The following CNKSR2 variants were observed in gnomAD, a reference collection of about 807,000 sequenced individuals.
CNKSR2 encodes connector enhancer of kinase suppressor of Ras 2, also known as CNK homolog protein 2.
Under a neutral mutation model 84.4 loss-of-function variants are expected in CNKSR2, and 14 were observed. The ratio of observed to expected loss-of-function variants is 0.17; its 90% CI spans 0.11 to 0.26. The LOEUF (loss-of-function observed/expected upper bound fraction) is 0.26, where lower values mean the gene tolerates loss of function less well. CNKSR2 is among the 10% of genes least tolerant of loss of function. The probability of loss-of-function intolerance (pLI) is 1.00; values close to 1 mark genes in which losing one functional copy is unlikely to be tolerated. For missense variants in CNKSR2, 485 were observed against 771.2 expected, an observed-to-expected ratio of 0.63 and a Z score of 4.40; for synonymous variants, 275 against 277.9, an observed-to-expected ratio of 0.99 and a Z score of 0.10.
chrX:21,558,144 A>G (rs1227507985), intron 11 of CNKSR2, among the ~76,000 whole-genome samples: 1 of 111,397 alleles, frequency 9.0e-6, no homozygotes, highest in East Asian at 2.8e-4. Flanking sequence ...GTATACATGC[A>G]GTAGCAAACA....
At chrX:21,641,715 T>G (rs1291726201) in intron 20 of CNKSR2, 3 of 1,076,881 alleles carry the variant, frequency 2.8e-6, no homozygotes, top group East Asian at 6.9e-5. Context: ...GCCTCGTCCT[T>G]GCTGTTTATA....
intron 20 of CNKSR2, among the ~76,000 whole-genome samples, chrX:21,624,351 A>G (rs2092613899): frequency 8.9e-6 from 1 of 111,913 alleles, no homozygotes; most frequent in South Asian, 3.7e-4. Context: ...AATGCCTAAA[A>G]TCTCAAGAAC....
In CNKSR2 at chrX:21,563,404, G is replaced by A. The variant is rs371302099; in HGVS notation, c.1560G>A (p.Leu520=). 4.6e-5 allele frequency: 55 copies of A among 1,208,674 alleles called. No homozygotes were observed. The highest frequency in any genetic ancestry group is 5.8e-5 in the Non-Finnish European group (52 of 894,223). The change falls in exon 13 of 22, where the codon CTG becomes CTA. Residue 520 remains leucine (L), a synonymous_variant. Transcript: ENST00000379510. ...TACCTAGTTTACAAATGGATGCACT[G>A]AGACAAGACATCATGGGCACTCCTG... ...SLLPSLQMDA[L]RQDIMGTPVP...
chrX:21,630,999 A>G (rs1378378831), intron 20 of CNKSR2, among the ~76,000 whole-genome samples: 1 of 110,841 alleles, frequency 9.0e-6, no homozygotes, highest in Non-Finnish European at 1.9e-5. Context: ...GATTCCTTTT[A>G]TAGCTAATTT....
chrX:21,601,152 T>C, intron 17 of CNKSR2, 130 bp from the exon 18 acceptor site: 1 of 397,795 alleles, frequency 2.5e-6, no homozygotes, highest in Non-Finnish European at 4.3e-6. Flanking sequence ...GTATCAATAG[T>C]AGCAAAGAAC....
intron 13 of CNKSR2, among the ~76,000 whole-genome samples, chrX:21,577,415 G>A (rs2092325928): frequency 9.0e-6 from 1 of 110,661 alleles, no homozygotes; most frequent in Non-Finnish European, 1.9e-5. Context: ...ATTCCTTTTT[G>A]CCTTTAGGGA....
chrX:21,429,270 T>C (rs1170955160), intron 2 of CNKSR2: 1 of 112,037 alleles, frequency 8.9e-6, no homozygotes, highest in East Asian at 2.8e-4. Flanking sequence ...GTAACATATA[T>C]GACAAACACA....
intron 13 of CNKSR2, among the ~76,000 whole-genome samples, chrX:21,583,615 G>A (rs757003595): frequency 8.9e-6 from 1 of 111,977 alleles, no homozygotes; most frequent in African/African-American, 3.2e-5. Flanking sequence ...ATTACAGTAA[G>A]AGGAAATTGC....
At chrX:21,486,298 C>T (rs1159752965) in intron 5 of CNKSR2, among the ~76,000 whole-genome samples, 1 of 111,489 alleles carries the variant, frequency 9.0e-6, no homozygotes, top group Non-Finnish European at 1.9e-5. Flanking sequence ...TCTAATATTC[C>T]TTATCTAAAC....
chrX:21,610,243 C>G (rs1354883282), intron 20 of CNKSR2, among the ~76,000 whole-genome samples: 1 of 112,283 alleles, frequency 8.9e-6, no homozygotes, highest in South Asian at 3.7e-4. Context: ...GTGTGTTGAT[C>G]GTAAAGCTCA....
chrX:21,628,914 T>G (rs1213092704), intron 20 of CNKSR2, among the ~76,000 whole-genome samples: 1 of 112,581 alleles, frequency 8.9e-6, no homozygotes, highest in Non-Finnish European at 1.9e-5. Flanking sequence ...AAATGGGATT[T>G]TCTTTTCTAT....
At chrX:21,558,755 T>G (rs946669779) in intron 11 of CNKSR2, among the ~76,000 whole-genome samples, 2 of 111,373 alleles carry the variant, frequency 1.8e-5, no homozygotes, top group Admixed American at 9.6e-5. Flanking sequence ...TGTTTCTTCT[T>G]GTTTTTGTGC....
chrX:21,539,240 T>G (rs1015125375), intron 11 of CNKSR2, among the ~76,000 whole-genome samples: 4 of 111,907 alleles, frequency 3.6e-5, no homozygotes, highest in African/African-American at 1.3e-4. Flanking sequence ...TCAAAAGACC[T>G]GTCTTTATAT....
intron 1 of CNKSR2, among the ~76,000 whole-genome samples, chrX:21,400,972 G>A (rs759341910): frequency 1.8e-5 from 2 of 111,187 alleles, no homozygotes; most frequent in South Asian, 7.4e-4. Flanking sequence ...CAAGTGTTTT[G>A]CAGTGCTAGA....
chrX:21,633,545 T>C (rs2092657442), intron 20 of CNKSR2, among the ~76,000 whole-genome samples: 1 of 110,974 alleles, frequency 9.0e-6, no homozygotes, highest in Non-Finnish European at 1.9e-5. Context: ...CAGAGAACTT[T>C]CTGACATTTC....
intron 1 of CNKSR2, among the ~76,000 whole-genome samples, chrX:21,403,837 A>G (rs1214921736): frequency 2.7e-5 from 3 of 111,726 alleles, no homozygotes; most frequent in East Asian, 2.8e-4. Flanking sequence ...ATTGACTCCA[A>G]TGTGTAAGTT....
At chrX:21,489,433 C>T (rs1333069367) in intron 5 of CNKSR2, among the ~76,000 whole-genome samples, 1 of 110,557 alleles carries the variant, frequency 9.0e-6, no homozygotes, top group Non-Finnish European at 1.9e-5. Context: ...AATAATAGTT[C>T]CTCCTATAGT....
intron 11 of CNKSR2, among the ~76,000 whole-genome samples, chrX:21,534,529 C>T (rs1046242539): frequency 9.1e-5 from 10 of 110,008 alleles, no homozygotes; most frequent in African/African-American, 3.3e-4. Flanking sequence ...ACTATAATGA[C>T]GGTACCAATT....
chrX:21,535,947 T>G (rs2091924441), intron 11 of CNKSR2, among the ~76,000 whole-genome samples: 1 of 111,482 alleles, frequency 9.0e-6, no homozygotes, highest in African/African-American at 3.3e-5. Flanking sequence ...CTTGTTCCAG[T>G]TTTTAGAGAA....
Sources: allele counts gnomAD v4.1 joint callset (sites outside exome capture counted in the v4.1 genomes callset), GRCh38; gene constraint gnomAD v4.1.1; transcripts MANE v1.5; gene names NCBI Gene and HGNC (gene_info 2026-07-23, HGNC 2026-07-21).